Variants in BICD1 observed in about 807,000 individuals in gnomAD.
The protein encoded by BICD1 is protein bicaudal D homolog 1.
BICD1 carries 35 observed loss-of-function variants against 92.5 expected under a neutral mutation model. The ratio of observed to expected loss-of-function variants is 0.38; its 90% confidence interval spans 0.29 to 0.50. BICD1 has a LOEUF of 0.50. Ranked by LOEUF, BICD1 falls within the 20% of genes least tolerant of loss-of-function variation. BICD1 has a pLI of 0.93. For synonymous variants in BICD1, 429 were observed against 465.1 expected, an observed-to-expected ratio of 0.92 and a Z score of 1.00; for missense variants, 950 against 1,189.8, an observed-to-expected ratio of 0.80 and a Z score of 2.97.
chr12:32,113,555 T>C (rs1231675069), intron 1 of BICD1, among the ~76,000 whole-genome samples: 2 of 151,926 alleles, frequency 1.3e-5, no homozygotes, highest in Non-Finnish European at 2.9e-5. Flanking sequence ...CTGGCTAATT[T>C]TTTTTTGAGA....
At chr12:32,167,391 G>C (rs618322) in intron 1 of BICD1, among the ~76,000 whole-genome samples, 4 of 152,186 alleles carry the variant, frequency 2.6e-5, no homozygotes, top group Non-Finnish European at 5.9e-5. Flanking sequence ...GTTTTGCTTA[G>C]ACTTTAAAAT....
intron 8 of BICD1, among the ~76,000 whole-genome samples, chr12:32,344,755 A>G (rs1231570666): frequency 1.3e-5 from 2 of 152,104 alleles, no homozygotes; most frequent in Non-Finnish European, 2.9e-5. Flanking sequence ...TTTATAATTT[A>G]TATTTTTTCC....
chr12:32,364,009 CCATCACCAT>C (rs1939431527), intron 8 of BICD1, among the ~76,000 whole-genome samples: 1 of 135,308 alleles, frequency 7.4e-6, no homozygotes, highest in Non-Finnish European at 1.6e-5. Flanking sequence ...ATCACCATCA[CCATCACCAT>C]CACCACCATC....
At chr12:32,285,786 C>G (rs2594000) in intron 2 of BICD1, among the ~76,000 whole-genome samples, 96,394 of 151,872 alleles carry the variant, frequency 0.63, 31,294 homozygotes, top group Middle Eastern at 0.77. Context: ...TTTTCTTACT[C>G]TGGTTATTCT....
At chr12:32,171,592 A>G (rs1422258268) in intron 1 of BICD1, among the ~76,000 whole-genome samples, 1 of 152,140 alleles carries the variant, frequency 6.6e-6, no homozygotes, top group African/African-American at 2.4e-5. Context: ...CTGAGATGGC[A>G]ATATGAGTGC....
chr12:32,153,450 GT>G (rs1160371084), intron 1 of BICD1, among the ~76,000 whole-genome samples: 19 of 152,208 alleles, frequency 1.2e-4, no homozygotes, highest in Admixed American at 3.3e-4. Context: ...AACTATTCTT[GT>G]TAAGTGAGTC....
At chr12:32,204,369 G>A (rs574882318) in intron 1 of BICD1, among the ~76,000 whole-genome samples, 5 of 149,644 alleles carry the variant, frequency 3.3e-5, no homozygotes, top group East Asian at 2.0e-4. Context: ...AAATGAAAAT[G>A]TGAATGGTCA....
chr12:32,119,842 G>A (rs144179916), intron 1 of BICD1, among the ~76,000 whole-genome samples: 1 of 151,446 alleles, frequency 6.6e-6, no homozygotes, highest in Non-Finnish European at 1.5e-5. Context: ...CTTCACTCCA[G>A]CTTGGGCGAC....
intron 1 of BICD1, among the ~76,000 whole-genome samples, chr12:32,130,299 G>A (rs1942495899): frequency 2.0e-5 from 3 of 152,056 alleles, no homozygotes; most frequent in Admixed American, 6.6e-5. Context: ...CGCCTCTCGG[G>A]TTCATGCCCT....
At chr12:32,310,924 C>T (rs902677132) in intron 4 of BICD1, among the ~76,000 whole-genome samples, 1 of 152,088 alleles carries the variant, frequency 6.6e-6, no homozygotes, top group Admixed American at 6.6e-5. Flanking sequence ...CCCTTTCGGC[C>T]TTTTCTTCTC....
intron 1 of BICD1, among the ~76,000 whole-genome samples, chr12:32,149,432 A>T (rs1943222046): frequency 1.3e-5 from 2 of 152,274 alleles, no homozygotes; most frequent in South Asian, 4.1e-4. Flanking sequence ...CATATACATT[A>T]TGGGGAAACC....
chr12:32,153,640 C>T lies in BICD1; in HGVS notation c.213+46096C>T, dbSNP rs150977931. Among the ~76,000 whole-genome samples, 46 of 152,168 alleles carry T rather than the reference C, an allele frequency of 3.0e-4. No homozygotes were observed. In the East Asian group the frequency reaches 8.5e-3, roughly 28 times the overall value. ...GCATGATGGCGTGCACCTGTAGTCA[C>T]AGCTACTCAGGAGGCTGAGGTGGGA... On this transcript the variant is annotated intron_variant, in intron 1 of 9. Coordinates refer to ENST00000652176, the MANE Select transcript of BICD1 (RefSeq NM_001714.4).
In BICD1 at chr12:32,334,658, T is replaced by C; in HGVS notation, c.2243T>C (p.Phe748Ser). 1 of 1,609,988 alleles carries C rather than the reference T, an allele frequency of 6.2e-7. No individual in the cohort carries two copies. The highest frequency in any genetic ancestry group is 8.5e-7 in the Non-Finnish European group (1 of 1,178,626). Reference protein sequence around the residue: ...AATFSSLRAMFATRCDEYVTQ... With the variant: ...AATFSSLRAMSATRCDEYVTQ... ...ACCTTCTCATCCCTGAGAGCAATGT[T>C]TGCAACAAGGTAACAGTATTTTCTT... Residue 748 changes from phenylalanine (F) to serine (S), a missense_variant, in exon 6 of 10, where the codon TTT becomes TCT. Transcript: ENST00000652176.
At chr12:32,294,429 G>A (rs1023571310) in intron 3 of BICD1, among the ~76,000 whole-genome samples, 2 of 151,772 alleles carry the variant, frequency 1.3e-5, no homozygotes, top group Admixed American at 6.6e-5. Context: ...CAAATGTATC[G>A]TAACAAATTT....
chr12:32,210,798 C>T lies in BICD1; in HGVS notation c.214-5449C>T, dbSNP rs543722801. Among the ~76,000 whole-genome samples the T allele has an allele frequency of 3.3e-5, 5 of 152,296 alleles. No individual in the cohort carries two copies. The East Asian group carries it at 5.8e-4, about 18-fold the overall frequency. Reference sequence around the variant, plus strand: ...TCTGAACAAAATATAACTAGAAGCACGACTACCCTATATCTCCTATAAATA... The same window carrying T: ...TCTGAACAAAATATAACTAGAAGCATGACTACCCTATATCTCCTATAAATA... On this transcript the variant is annotated intron_variant, in intron 1 of 9. Coordinates refer to ENST00000652176, the MANE Select transcript of BICD1 (RefSeq NM_001714.4).
At chr12:32,215,599 T>C (rs1945332143) in intron 1 of BICD1, among the ~76,000 whole-genome samples, 1 of 152,128 alleles carries the variant, frequency 6.6e-6, no homozygotes, top group Non-Finnish European at 1.5e-5. Flanking sequence ...GAAGGTGACA[T>C]GAATTTTGAT....
At chr12:32,143,147 A>T (rs1034085104) in intron 1 of BICD1, among the ~76,000 whole-genome samples, 1 of 152,180 alleles carries the variant, frequency 6.6e-6, no homozygotes, top group African/African-American at 2.4e-5. Context: ...GAAATATACC[A>T]TATATACAGA....
rs951353575 is a variant in BICD1, at chr12:32,383,371, T to A, written c.*5744T>A. 45 of 152,230 alleles carry A rather than the reference T, an allele frequency of 3.0e-4. No individual in the cohort carries two copies. The highest frequency in any genetic ancestry group is 8.0e-4 in the African/African-American group (33 of 41,480). The allele number at this position is 152,230 out of a possible 1,614,324, so 9.4% of individuals were successfully genotyped here. A position where few individuals can be genotyped will look rare whatever the true frequency, so the allele number is the denominator to read the frequency against. ...TTATTTTAAATTCAAAAAATTCTTA[T>A]GAATTTATTATTGCTTGTACTTTAA... On this transcript the variant is annotated 3_prime_UTR_variant, in exon 10 of 10. Transcript: ENST00000652176.
chr12:32,276,185 C>T (rs1151037), intron 2 of BICD1, among the ~76,000 whole-genome samples: 58,412 of 151,970 alleles, frequency 0.38, 12,260 homozygotes, highest in Middle Eastern at 0.5. Flanking sequence ...ACCCCTGGAC[C>T]GGCCTGCTAG....
Sources: allele counts gnomAD v4.1 joint callset (sites outside exome capture counted in the v4.1 genomes callset), GRCh38; gene constraint gnomAD v4.1.1; transcripts MANE v1.5; gene names NCBI Gene and HGNC (gene_info 2026-07-23, HGNC 2026-07-21).